The following ZNF385D variants were observed in gnomAD, a reference collection of about 807,000 sequenced individuals.
The protein encoded by ZNF385D is zinc finger protein 385D.
A neutral mutation model predicts 35.8 loss-of-function variants in ZNF385D; 15 were observed. That is an observed-to-expected ratio of 0.42 (90% confidence interval 0.28 to 0.64). The LOEUF (loss-of-function observed/expected upper bound fraction) is 0.64, where lower values mean the gene tolerates loss of function less well. Ranked by LOEUF, ZNF385D falls within the 30% of genes least tolerant of loss-of-function variation. The pLI is 0.23. For synonymous variants in ZNF385D, 212 were observed against 186.8 expected (o/e 1.13, Z -1.10); for missense variants, 474 against 494.6 (o/e 0.96, Z 0.39).
At chr3:22,342,276 CAAAAAAAA>C (rs766689054) in intron 2 of ZNF385D, among the ~76,000 whole-genome samples, 1 of 53,508 alleles carries the variant, frequency 1.9e-5, no homozygotes, top group Admixed American at 2.7e-4. Flanking sequence ...GACTCCGCCT[CAAAAAAAA>C]AAAAAAAAAA....
chr3:21,532,694 A>C (rs1163915117), intron 3 of ZNF385D, among the ~76,000 whole-genome samples: 1 of 151,638 alleles, frequency 6.6e-6, no homozygotes, highest in Non-Finnish European at 1.5e-5. Flanking sequence ...AAAAAAAAAA[A>C]CAGATCTAGT....
At chr3:21,516,323 A>C (rs1471228855) in intron 3 of ZNF385D, among the ~76,000 whole-genome samples, 1 of 152,230 alleles carries the variant, frequency 6.6e-6, no homozygotes, top group Non-Finnish European at 1.5e-5. Context: ...AGATAATTAC[A>C]ATAGGAGACC....
intron 2 of ZNF385D, among the ~76,000 whole-genome samples, chr3:22,283,706 G>A (rs9830685): frequency 0.015 from 2,343 of 152,248 alleles, 50 homozygotes; most frequent in African/African-American, 0.053. Flanking sequence ...GTTGTGAGAA[G>A]AAACTGAGTT....
At chr3:21,462,563 G>A (rs1426991632) in intron 4 of ZNF385D, among the ~76,000 whole-genome samples, 1 of 152,074 alleles carries the variant, frequency 6.6e-6, no homozygotes, top group Non-Finnish European at 1.5e-5. Flanking sequence ...CTTTAAGGAG[G>A]CTACAGATAA....
intron 3 of ZNF385D, among the ~76,000 whole-genome samples, chr3:22,019,281 G>A (rs935070412): frequency 6.6e-6 from 1 of 151,452 alleles, no homozygotes. Flanking sequence ...GCTCAAATAT[G>A]TATTCTTTTA....
chr3:21,989,086 A>T (rs1466730484), intron 3 of ZNF385D, among the ~76,000 whole-genome samples: 1 of 152,096 alleles, frequency 6.6e-6, no homozygotes, highest in Non-Finnish European at 1.5e-5. Flanking sequence ...CCGGTACCTC[A>T]GATGGAAATG....
chr3:21,697,137 T>C (rs1474171830), intron 1 of ZNF385D, among the ~76,000 whole-genome samples: 1 of 152,164 alleles, frequency 6.6e-6, no homozygotes, highest in Admixed American at 6.6e-5. Flanking sequence ...AGCCTCCTTG[T>C]ACCTCTGCTT....
chr3:22,339,999 C>T (rs1695351049), intron 2 of ZNF385D, among the ~76,000 whole-genome samples: 1 of 152,132 alleles, frequency 6.6e-6, no homozygotes, highest in Non-Finnish European at 1.5e-5. Flanking sequence ...GCCCATCAGT[C>T]ATGTACTCAT....
chr3:21,859,518 C>A (rs1696923872), intron 3 of ZNF385D, among the ~76,000 whole-genome samples: 1 of 151,790 alleles, frequency 6.6e-6, no homozygotes, highest in African/African-American at 2.4e-5. Context: ...TGATCAGAGG[C>A]CCGTGGAATA....
chr3:22,131,401 C>T (rs1262780765), intron 3 of ZNF385D, among the ~76,000 whole-genome samples: 1 of 151,966 alleles, frequency 6.6e-6, no homozygotes, highest in Non-Finnish European at 1.5e-5. Context: ...AAAGAAAGCT[C>T]TTTCAAAGTG....
chr3:21,831,881 T>A (rs1032343645), intron 3 of ZNF385D, among the ~76,000 whole-genome samples: 1 of 152,176 alleles, frequency 6.6e-6, no homozygotes, highest in African/African-American at 2.4e-5. Context: ...AAGCTGCAGT[T>A]TGAAAATATT....
intron 2 of ZNF385D, among the ~76,000 whole-genome samples, chr3:22,347,679 G>C (rs1405131537): frequency 2.6e-5 from 4 of 152,074 alleles, no homozygotes; most frequent in African/African-American, 9.7e-5. Context: ...TGATATGACT[G>C]TTTCACTTTA....
At chr3:21,666,923 C>A (rs1469034118) in intron 1 of ZNF385D, among the ~76,000 whole-genome samples, 1 of 151,926 alleles carries the variant, frequency 6.6e-6, no homozygotes, top group African/African-American at 2.4e-5. Context: ...ACTAAAAATA[C>A]AAAAATTAGC....
chr3:21,518,277 ATT>A (rs2125492873), intron 3 of ZNF385D, among the ~76,000 whole-genome samples: 1 of 152,256 alleles, frequency 6.6e-6, no homozygotes, highest in Admixed American at 6.5e-5. Context: ...TATTTGGGGA[ATT>A]TCTATCCAAG....
intron 2 of ZNF385D, among the ~76,000 whole-genome samples, chr3:22,368,207 G>A (rs1052520287): frequency 6.6e-6 from 1 of 152,074 alleles, no homozygotes; most frequent in African/African-American, 2.4e-5. Flanking sequence ...CGATCTAAAG[G>A]TCTCTATCCT....
intron 2 of ZNF385D, among the ~76,000 whole-genome samples, chr3:22,193,422 T>G (rs937218945): frequency 8.5e-5 from 13 of 152,108 alleles, no homozygotes. Context: ...CTCACTTATT[T>G]TCCCAAAACT....
chr3:22,341,306 A>T (rs1385534853), intron 2 of ZNF385D, among the ~76,000 whole-genome samples: 1 of 152,196 alleles, frequency 6.6e-6, no homozygotes, highest in Non-Finnish European at 1.5e-5. Flanking sequence ...TTTGTAAATA[A>T]ACTTGTTTTG....
chr3:21,700,656 G>A (rs1406875838), intron 1 of ZNF385D, among the ~76,000 whole-genome samples: 1 of 152,096 alleles, frequency 6.6e-6, no homozygotes, highest in African/African-American at 2.4e-5. Context: ...GTGTAAAACG[G>A]TGAAGAAAGA....
chr3:22,147,644 C>A (rs966175235), intron 3 of ZNF385D, among the ~76,000 whole-genome samples: 1 of 151,926 alleles, frequency 6.6e-6, no homozygotes, highest in African/African-American at 2.4e-5. Context: ...CAACACCACT[C>A]GGAAAAAGAT....
Sources: allele counts gnomAD v4.1 joint callset (sites outside exome capture counted in the v4.1 genomes callset), GRCh38; gene constraint gnomAD v4.1.1; transcripts MANE v1.5; gene names NCBI Gene and HGNC (gene_info 2026-07-23, HGNC 2026-07-21).